C12orf42: variants seen among roughly 807,000 people sequenced by gnomAD.
C12orf42 encodes uncharacterized protein C12orf42.
C12orf42 carries 25 observed loss-of-function variants against 21.6 expected under a neutral mutation model. The observed-to-expected ratio is 1.16, with a 90% CI of 0.84 to 1.62. The LOEUF (loss-of-function observed/expected upper bound fraction) is 1.62. Among genes scored for constraint, C12orf42 ranks in the 40% most tolerant of loss-of-function variants. C12orf42 has a pLI of 0.00. For synonymous variants in C12orf42, 174 were observed against 175.0 expected, an observed-to-expected ratio of 0.99 and a Z score of 0.05; for missense variants, 483 against 459.3, an observed-to-expected ratio of 1.05 and a Z score of -0.47.
the C12orf42 span, among the ~76,000 whole-genome samples, chr12:103,100,103 T>G: frequency 1.3e-5 from 2 of 152,238 alleles, no homozygotes; most frequent in African/African-American, 4.8e-5. Context: ...GATGAGGAAA[T>G]CAAACTGTCT....
At chr12:103,318,857 G>A (rs116453820) in intron 4 of C12orf42, among the ~76,000 whole-genome samples, 259 of 152,258 alleles carry the variant, frequency 1.7e-3, no homozygotes, top group African/African-American at 5.9e-3. Flanking sequence ...CCATGCCCCA[G>A]TGCAATATTT....
the C12orf42 span, among the ~76,000 whole-genome samples, chr12:103,185,797 A>C: frequency 6.6e-6 from 1 of 152,168 alleles, no homozygotes; most frequent in Non-Finnish European, 1.5e-5. Flanking sequence ...CCATGTAAGA[A>C]GTGCCTTTCA....
chr12:103,107,167 G>A, the C12orf42 span, among the ~76,000 whole-genome samples: 2 of 151,984 alleles, frequency 1.3e-5, no homozygotes, highest in African/African-American at 2.4e-5. Flanking sequence ...AACACGGTTT[G>A]CAGTTTTCAC....
chr12:103,083,186 G>A, the C12orf42 span, among the ~76,000 whole-genome samples: 1 of 152,144 alleles, frequency 6.6e-6, no homozygotes, highest in Non-Finnish European at 1.5e-5. Flanking sequence ...CCAACATGGC[G>A]AAACCCCGTC....
chr12:103,523,164 T>G, the C12orf42 span, among the ~76,000 whole-genome samples: 3 of 152,232 alleles, frequency 2.0e-5, no homozygotes, highest in African/African-American at 7.2e-5. Context: ...AGTTAGAATT[T>G]AATCCTTTTG....
the C12orf42 span, among the ~76,000 whole-genome samples, chr12:103,169,862 A>G: frequency 3.9e-5 from 6 of 152,202 alleles, no homozygotes; most frequent in Admixed American, 1.3e-4. Flanking sequence ...GGTTAGAGCA[A>G]TGGTTCATGC....
the C12orf42 span, among the ~76,000 whole-genome samples, chr12:103,228,037 C>G: frequency 2.6e-5 from 4 of 152,042 alleles, no homozygotes; most frequent in Admixed American, 6.5e-5. Context: ...TCTAATGGAG[C>G]GAAGAACACG....
chr12:103,282,711 T>C (rs1055286526), intron 4 of C12orf42, among the ~76,000 whole-genome samples: 1 of 152,214 alleles, frequency 6.6e-6, no homozygotes, highest in Non-Finnish European at 1.5e-5. Context: ...CGATGAGGAC[T>C]CTAATTAAAG....
intron 4 of C12orf42, among the ~76,000 whole-genome samples, chr12:103,358,710 C>G (rs551957450): frequency 6.6e-6 from 1 of 152,110 alleles, no homozygotes; most frequent in South Asian, 2.1e-4. Flanking sequence ...TTTTATCCAT[C>G]TAAAAATTGT....
chr12:103,115,374 C>T, the C12orf42 span, among the ~76,000 whole-genome samples: 1 of 152,204 alleles, frequency 6.6e-6, no homozygotes, highest in African/African-American at 2.4e-5. Context: ...TTAGCAAAGC[C>T]ACCATATACT....
At chr12:103,432,581 C>G (rs973573779) in intron 2 of C12orf42, among the ~76,000 whole-genome samples, 2 of 152,214 alleles carry the variant, frequency 1.3e-5, no homozygotes, top group African/African-American at 4.8e-5. Flanking sequence ...GTATGTAATG[C>G]TCTTACTGTA....
the C12orf42 span, among the ~76,000 whole-genome samples, chr12:103,507,920 C>G: frequency 6.6e-6 from 1 of 152,158 alleles, no homozygotes; most frequent in Non-Finnish European, 1.5e-5. Context: ...TGTGACAATG[C>G]AAGCTGTGCC....
chr12:103,127,206 T>C, the C12orf42 span, among the ~76,000 whole-genome samples: 1 of 152,240 alleles, frequency 6.6e-6, no homozygotes, highest in Admixed American at 6.5e-5. Flanking sequence ...TCTGGAAGTT[T>C]ATCAGAAAAT....
At chr12:103,166,895 G>A in the C12orf42 span, among the ~76,000 whole-genome samples, 10 of 152,004 alleles carry the variant, frequency 6.6e-5, no homozygotes, top group African/African-American at 2.4e-4. Context: ...CTTAGTAATG[G>A]CTCAGAAAAT....
chr12:103,401,319 C>T (rs551256566), intron 3 of C12orf42, among the ~76,000 whole-genome samples: 2 of 152,086 alleles, frequency 1.3e-5, no homozygotes, highest in African/African-American at 4.8e-5. Context: ...CTGCAAAGAC[C>T]CCTAATGCAC....
Position 103,451,659 on chromosome 12 carries a change from C to T in C12orf42, c.78+26690G>A, listed in dbSNP as rs558167690. Among the ~76,000 whole-genome samples, 13 of 152,232 alleles carry T rather than the reference C, an allele frequency of 8.5e-5. No individual in the cohort carries two copies. The South Asian group carries it at 2.3e-3, about 27-fold the overall frequency. On this transcript the variant is annotated intron_variant, in intron 2 of 5. Transcript: ENST00000548883. ...TTGGGGCAATCAGCTGACTCTCCAACATTCTGCCTGGAAACAAACTTAGCC... is the reference window on the plus strand; with the variant it reads ...TTGGGGCAATCAGCTGACTCTCCAATATTCTGCCTGGAAACAAACTTAGCC...
the C12orf42 span, among the ~76,000 whole-genome samples, chr12:103,213,018 A>G: frequency 6.6e-6 from 1 of 152,132 alleles, no homozygotes; most frequent in Non-Finnish European, 1.5e-5. Flanking sequence ...TATATTATTA[A>G]AGTTCTACAA....
At chr12:103,134,657 C>T in the C12orf42 span, among the ~76,000 whole-genome samples, 2 of 152,018 alleles carry the variant, frequency 1.3e-5, no homozygotes. Context: ...ATTTTGCCAT[C>T]CCAGAAGGTG....
chr12:103,328,420 A>G (rs2040905764), intron 4 of C12orf42, among the ~76,000 whole-genome samples: 1 of 152,236 alleles, frequency 6.6e-6, no homozygotes, highest in Admixed American at 6.5e-5. Flanking sequence ...CTGAGCAGAT[A>G]AAAGTAACAA....
Sources: gnomAD v4.1 joint callset for allele counts (sites outside exome capture counted in the v4.1 genomes callset) on GRCh38, gnomAD v4.1.1 for gene constraint, MANE v1.5 for transcripts, NCBI Gene and HGNC (gene_info 2026-07-23, HGNC 2026-07-21) for gene names.